The following NEK5 variants were observed in gnomAD, a reference collection of about 807,000 sequenced individuals.
NEK5 encodes the protein serine/threonine-protein kinase Nek5.
Under a neutral mutation model 109.2 loss-of-function variants are expected in NEK5, and 88 were observed. The observed-to-expected ratio is 0.81, with a 90% CI of 0.68 to 0.96. NEK5 has a LOEUF of 0.96. NEK5 is among the 40% of genes least tolerant of loss of function. NEK5 has a pLI of 0.00. For synonymous variants in NEK5, 283 were observed against 299.9 expected (o/e 0.94, Z 0.58); for missense variants, 834 against 920.7 (o/e 0.91, Z 1.22).
intron 12 of NEK5, among the ~76,000 whole-genome samples, chr13:52,094,908 A>T (rs1450169243): frequency 6.6e-6 from 1 of 152,222 alleles, no homozygotes; most frequent in African/African-American, 2.4e-5. Flanking sequence ...GTTTATTTTT[A>T]AAATATTTTC....
chr13:52,060,950 C>T (rs946950397), intron 22 of NEK5, among the ~76,000 whole-genome samples: 1 of 152,176 alleles, frequency 6.6e-6, no homozygotes, highest in African/African-American at 2.4e-5. Flanking sequence ...TCCTCTAACT[C>T]CTAGCCTCAA....
chr13:52,078,297 A>G (rs1396323167), intron 17 of NEK5, among the ~76,000 whole-genome samples: 1 of 152,234 alleles, frequency 6.6e-6, no homozygotes, highest in Non-Finnish European at 1.5e-5. Context: ...TAGCCAGAAA[A>G]AAGAGCACAT....
intron 11 of NEK5, 30 bp from the exon 12 acceptor site, chr13:52,099,906 T>C: frequency 6.3e-7 from 1 of 1,583,342 alleles, no homozygotes; most frequent in Non-Finnish European, 8.7e-7. Context: ...ACAGCTTCAA[T>C]TTTTTAAAAA....
intron 19 of NEK5, among the ~76,000 whole-genome samples, chr13:52,074,636 C>G (rs775075190): frequency 3.3e-5 from 5 of 152,084 alleles, no homozygotes; most frequent in African/African-American, 7.2e-5. Context: ...CAAGTGGAAC[C>G]TAATTAAACT....
Position 52,093,143 on chromosome 13 carries a change from G to T in NEK5, c.1119C>A (p.His373Gln), listed in dbSNP as rs569871222. ...GAGGAATAGGGTGATAACTTGGTTT[G>T]TGGGCTCTCCTCCTCAGCATATCAA... Reference protein sequence around the residue: ...AQLDMLRRRAHKPSYHPIPQE... With the variant: ...AQLDMLRRRAQKPSYHPIPQE... Residue 373 changes from histidine to glutamine, a missense_variant, in exon 13 of 24, where the codon CAC becomes CAA. His to Gln is a conservative substitution (Grantham distance 24, BLOSUM62 0). Around this residue, in one of 2 missense-constraint regions of NEK5, gnomAD observed 777 missense variants for 824.7 expected, o/e 0.94. Transcript: ENST00000684899. 9 of 1,613,330 alleles carry T rather than the reference G, an allele frequency of 5.6e-6. No homozygotes were observed. In the African/African-American group the frequency reaches 8.0e-5, roughly 14 times the overall value.
intron 21 of NEK5, among the ~76,000 whole-genome samples, chr13:52,063,671 A>G (rs866968423): frequency 1.5e-4 from 20 of 134,018 alleles, no homozygotes; most frequent in Admixed American, 2.3e-4. Flanking sequence ...TGTGGGGAGC[A>G]CCTCTGCCCT....
chr13:52,086,204 A>G (rs1003853299), intron 16 of NEK5, 73 bp downstream of exon 16: 13 of 941,202 alleles, frequency 1.4e-5, no homozygotes, highest in African/African-American at 4.9e-5. Context: ...GGAAATCATT[A>G]CTTTTAATAC....
At chr13:52,046,612 TC>T (rs1358784652) in intron 23 of NEK5, among the ~76,000 whole-genome samples, 1 of 151,790 alleles carries the variant, frequency 6.6e-6, no homozygotes, top group Non-Finnish European at 1.5e-5. Flanking sequence ...GTGCCTGTAG[TC>T]CCGGCTACTC....
intron 22 of NEK5, among the ~76,000 whole-genome samples, chr13:52,059,754 T>C (rs1295971538): frequency 7.2e-6 from 1 of 139,010 alleles, no homozygotes; most frequent in Non-Finnish European, 1.5e-5. Flanking sequence ...AATTGAACAA[T>C]AAGAACACAT....
At chr13:52,047,820 G>A (rs1005062142) in intron 23 of NEK5, among the ~76,000 whole-genome samples, 1 of 151,902 alleles carries the variant, frequency 6.6e-6, no homozygotes, top group Non-Finnish European at 1.5e-5. Context: ...TCCAGCCTGG[G>A]CAACAGAGAA....
At position 52,121,299 on chromosome 13, in the gene NEK5, C is replaced by T. The variant is rs199821768; in HGVS notation, c.118-1884G>A. On this transcript the variant is annotated intron_variant, in intron 3 of 23. Coordinates refer to ENST00000684899, the MANE Select transcript of NEK5 (RefSeq NM_001365552.1). ...TCAGCCTCCTGAGTAGCTGAGACCA[C>T]AGGCAAGCACCATCATACCCGGCTA... 1.7e-4 allele frequency among the ~76,000 whole-genome samples: 26 copies of T among 152,010 alleles called. No homozygotes were observed. The East Asian group carries it at 4.8e-3, about 28-fold the overall frequency.
rs368429926 is a variant in NEK5, at chr13:52,084,762, AGTGTGTGTGT to A, written c.1480-1420_1480-1411del. The stretch of plus-strand genomic sequence containing the variant: ...GAGAGAGAGAGAGAGAGAGAGAGAG[AGTGTGTGTGT>A]GTGTGTGTGTGTGTGTGTGTGTGTG... On this transcript the variant is annotated intron_variant, in intron 16 of 23. Transcript: ENST00000684899. Among the ~76,000 whole-genome samples the A allele has an allele frequency of 7.6e-3, 358 of 47,360 alleles. 1 individual carries two copies. Among genetic ancestry groups the A allele is most frequent in the African/African-American group, 0.025 (333 of 13,512 alleles). 31.1% of individuals were successfully genotyped at this position (47,360 alleles called of 152,430 possible).
intron 4 of NEK5, among the ~76,000 whole-genome samples, chr13:52,115,392 G>C (rs1955837172): frequency 6.6e-6 from 1 of 150,998 alleles, no homozygotes. Flanking sequence ...ATCACCTGAG[G>C]TCAGGAATTT....
At chr13:52,128,162 T>C (rs1956105426) in intron 1 of NEK5, among the ~76,000 whole-genome samples, 1 of 152,170 alleles carries the variant, frequency 6.6e-6, no homozygotes, top group African/African-American at 2.4e-5. Flanking sequence ...TACATCGAAA[T>C]GCTAAGTATT....
At chr13:52,041,852 A>C (rs1229816170) in intron 23 of NEK5, among the ~76,000 whole-genome samples, 1 of 151,990 alleles carries the variant, frequency 6.6e-6, no homozygotes, top group Admixed American at 6.6e-5. Flanking sequence ...TCTAATATCT[A>C]ATTGGAGAAT....
intron 12 of NEK5, among the ~76,000 whole-genome samples, chr13:52,097,381 C>A (rs1313901811): frequency 6.6e-6 from 1 of 152,192 alleles, no homozygotes; most frequent in East Asian, 1.9e-4. Context: ...CCTGTGAGAG[C>A]AGCCGCAGGG....
chr13:52,117,977 AGTTATT>A (rs1955895089), intron 4 of NEK5, among the ~76,000 whole-genome samples: 1 of 152,184 alleles, frequency 6.6e-6, no homozygotes, highest in Non-Finnish European at 1.5e-5. Flanking sequence ...TTTCCTTGAA[AGTTATT>A]CCATGCAACC....
At chr13:52,058,709 T>A (rs1328430182) in intron 22 of NEK5, among the ~76,000 whole-genome samples, 1 of 151,966 alleles carries the variant, frequency 6.6e-6, no homozygotes, top group African/African-American at 2.4e-5. Flanking sequence ...GGGAAAGGAT[T>A]CCCTATTTAA....
intron 4 of NEK5, among the ~76,000 whole-genome samples, chr13:52,116,246 G>C (rs1955856171): frequency 6.6e-6 from 1 of 150,702 alleles, no homozygotes; most frequent in Non-Finnish European, 1.5e-5. Context: ...ACTTGCTGTA[G>C]ACCCGGCAGG....
Sources: gnomAD v4.1 joint callset for allele counts (sites outside exome capture counted in the v4.1 genomes callset) on GRCh38, gnomAD v4.1.1 for gene constraint, gnomAD v4.1.1 regional missense constraint, MANE v1.5 for transcripts, NCBI Gene and HGNC (gene_info 2026-07-23, HGNC 2026-07-21) for gene names.